The following CPNE4 variants were observed in gnomAD, a reference collection of about 807,000 sequenced individuals.
CPNE4 encodes the protein copine-4.
In CPNE4, 25 loss-of-function variants were observed where a neutral mutation model predicts 67.9. That is an observed-to-expected ratio of 0.37 (90% confidence interval 0.27 to 0.51). The LOEUF is 0.51. CPNE4 is among the 20% of genes least tolerant of loss of function. The pLI is 0.93. For missense variants in CPNE4, 464 were observed against 690.8 expected, an observed-to-expected ratio of 0.67 and a Z score of 3.68; for synonymous variants, 242 against 244.9, an observed-to-expected ratio of 0.99 and a Z score of 0.11.
intron 6 of CPNE4, among the ~76,000 whole-genome samples, chr3:131,672,676 T>C (rs79230418): frequency 0.012 from 1,880 of 152,180 alleles, 35 homozygotes; most frequent in African/African-American, 0.042. Flanking sequence ...ATTTCCAAAT[T>C]GAATTATTAG....
At chr3:131,899,079 G>C (rs1398490859) in intron 2 of CPNE4, among the ~76,000 whole-genome samples, 1 of 152,206 alleles carries the variant, frequency 6.6e-6, no homozygotes, top group African/African-American at 2.4e-5. Flanking sequence ...GATATCCAGA[G>C]GGAATGTTTT....
intron 7 of CPNE4, among the ~76,000 whole-genome samples, chr3:131,609,689 A>G (rs201730986): frequency 2.0e-5 from 3 of 152,206 alleles, no homozygotes; most frequent in African/African-American, 4.8e-5. Context: ...TTAAAATACA[A>G]TCTAGATGTG....
intron 7 of CPNE4, among the ~76,000 whole-genome samples, chr3:131,650,476 G>A (rs77359678): frequency 0.014 from 1,950 of 142,674 alleles, 134 homozygotes; most frequent in Admixed American, 0.11. Context: ...CTATTATTGC[G>A]GCCGGGCGCG....
chr3:131,736,793 T>A (rs1287911552), intron 2 of CPNE4, among the ~76,000 whole-genome samples: 1 of 152,064 alleles, frequency 6.6e-6, no homozygotes, highest in African/African-American at 2.4e-5. Flanking sequence ...ACAGATGATA[T>A]CAACTCCTTT....
At chr3:131,868,921 A>C (rs1405515614) in intron 2 of CPNE4, among the ~76,000 whole-genome samples, 1 of 152,144 alleles carries the variant, frequency 6.6e-6, no homozygotes, top group Non-Finnish European at 1.5e-5. Flanking sequence ...TAAAGGACTC[A>C]TATTCTCCCC....
At chr3:132,003,933 C>T (rs918392079) in intron 1 of CPNE4, among the ~76,000 whole-genome samples, 34 of 152,020 alleles carry the variant, frequency 2.2e-4, no homozygotes, top group Admixed American at 1.8e-3. Flanking sequence ...GAAGATGCCC[C>T]CAAATTAACT....
intron 1 of CPNE4, among the ~76,000 whole-genome samples, chr3:132,018,528 AG>A (rs2073932160): frequency 6.6e-6 from 1 of 152,164 alleles, no homozygotes; most frequent in South Asian, 2.1e-4. Context: ...TGAATTTTGA[AG>A]TAGGGACTTT....
chr3:131,754,230 T>C (rs2082700220), intron 2 of CPNE4, among the ~76,000 whole-genome samples: 1 of 152,168 alleles, frequency 6.6e-6, no homozygotes, highest in African/African-American at 2.4e-5. Context: ...AGTGTCCATA[T>C]TATTTTGTGT....
At chr3:131,964,148 A>G (rs1049418335) in intron 1 of CPNE4, among the ~76,000 whole-genome samples, 10 of 152,110 alleles carry the variant, frequency 6.6e-5, no homozygotes, top group Non-Finnish European at 1.5e-4. Flanking sequence ...TAGAAGAAAA[A>G]CTAACAAACA....
chr3:131,767,888 T>G (rs572522882), intron 2 of CPNE4, among the ~76,000 whole-genome samples: 8 of 152,242 alleles, frequency 5.3e-5, no homozygotes, highest in African/African-American at 1.9e-4. Flanking sequence ...GGTATTCTAT[T>G]TGGAAACCAA....
At chr3:131,568,030 G>T (rs568393118) in intron 10 of CPNE4, among the ~76,000 whole-genome samples, 1 of 151,844 alleles carries the variant, frequency 6.6e-6, no homozygotes, top group African/African-American at 2.4e-5. Context: ...TTCTCATATC[G>T]ACCTAGGGGA....
At position 131,825,535 on chromosome 3, in the gene CPNE4, T is replaced by C. The variant is rs375324173; in HGVS notation, c.180+79729A>G. On this transcript the variant is annotated intron_variant, in intron 2 of 15. Coordinates refer to ENST00000429747, the MANE Select transcript of CPNE4 (RefSeq NM_130808.3). ...CATTGGTAACTTCTGTCAGTAACCA[T>C]CTTTTGATGAAGAACAACACAAATG... 4.6e-5 allele frequency among the ~76,000 whole-genome samples: 7 copies of C among 150,684 alleles called. 1 individual carries two copies. The highest frequency in any genetic ancestry group is 2.0e-4 in the East Asian group (1 of 5,122).
intron 10 of CPNE4, among the ~76,000 whole-genome samples, chr3:131,565,818 TAAAAA>T (rs66674789): frequency 7.7e-6 from 1 of 129,796 alleles, no homozygotes; most frequent in Non-Finnish European, 1.7e-5. Context: ...TAAGAGTATG[TAAAAA>T]AAAAAAAAAA....
chr3:131,878,616 T>C (rs1326682654), intron 2 of CPNE4, among the ~76,000 whole-genome samples: 1 of 152,184 alleles, frequency 6.6e-6, no homozygotes, highest in Non-Finnish European at 1.5e-5. Context: ...ATAAAAATAA[T>C]TAATCTGAAA....
chr3:131,882,916 A>C (rs2087736166), intron 2 of CPNE4, among the ~76,000 whole-genome samples: 3 of 151,930 alleles, frequency 2.0e-5, no homozygotes, highest in Admixed American at 1.3e-4. Context: ...ATGGGGTTTC[A>C]CCATGTTAGC....
At chr3:131,718,416 A>G (rs911606471) in intron 3 of CPNE4, among the ~76,000 whole-genome samples, 8 of 152,152 alleles carry the variant, frequency 5.3e-5, no homozygotes, top group African/African-American at 1.7e-4. Context: ...TTTCTTTTCT[A>G]TCTGGCATCC....
chr3:131,982,797 C>G (rs1583557546), intron 1 of CPNE4, among the ~76,000 whole-genome samples: 1 of 152,006 alleles, frequency 6.6e-6, no homozygotes, highest in East Asian at 1.9e-4. Context: ...ATATGAAATA[C>G]TTTAAATTGG....
chr3:131,747,482 G>GT lies in CPNE4; in HGVS notation c.181-23858dup, dbSNP rs200090137. Among the ~76,000 whole-genome samples, 768 of 151,400 alleles carry GT rather than the reference G, an allele frequency of 5.1e-3. 6 individuals carry two copies. Among genetic ancestry groups the GT allele is most frequent in the Non-Finnish European group, 6.5e-3 (440 of 67,774 alleles). On this transcript the variant is annotated intron_variant, in intron 2 of 15. Coordinates refer to ENST00000429747, the MANE Select transcript of CPNE4 (RefSeq NM_130808.3). ...TAAGAACTTTTTTTGTTTGTTTTTT[G>GT]TTTTTTAGCAACTGTAAGTGTTGGT...
intron 2 of CPNE4, among the ~76,000 whole-genome samples, chr3:131,820,387 T>C (rs2084918341): frequency 6.6e-6 from 1 of 152,176 alleles, no homozygotes; most frequent in South Asian, 2.1e-4. Flanking sequence ...TTATCACACC[T>C]TAATCCAACA....
Sources: gnomAD v4.1 joint callset for allele counts (sites outside exome capture counted in the v4.1 genomes callset) on GRCh38, gnomAD v4.1.1 for gene constraint, MANE v1.5 for transcripts, NCBI Gene and HGNC (gene_info 2026-07-23, HGNC 2026-07-21) for gene names.